The following STXBP5L variants were observed in gnomAD, a reference collection of about 807,000 sequenced individuals.
STXBP5L encodes syntaxin-binding protein 5-like.
In STXBP5L, 65 loss-of-function variants were observed where a neutral mutation model predicts 144.5. The observed-to-expected ratio is 0.45, with a 90% confidence interval of 0.37 to 0.55. The LOEUF (loss-of-function observed/expected upper bound fraction) is 0.55, where lower values mean the gene tolerates loss of function less well. STXBP5L is among the 20% of genes least tolerant of loss of function. The pLI, the probability that STXBP5L is intolerant of heterozygous loss-of-function variation, is 0.00. For missense variants in STXBP5L, 1,298 were observed against 1,405.5 expected (o/e 0.92, Z 1.22); for synonymous variants, 505 against 469.6 (o/e 1.08, Z -0.97).
chr3:121,059,907 T>C (rs1162939178), intron 5 of STXBP5L, among the ~76,000 whole-genome samples: 2 of 152,226 alleles, frequency 1.3e-5, no homozygotes, highest in East Asian at 3.8e-4. Flanking sequence ...TATAATCATG[T>C]CATCTGCAAA....
intron 9 of STXBP5L, among the ~76,000 whole-genome samples, chr3:121,186,949 C>G (rs2047407973): frequency 1.3e-5 from 2 of 152,172 alleles, no homozygotes; most frequent in African/African-American, 2.4e-5. Flanking sequence ...AATAGGAACA[C>G]TTTTACACTG....
chr3:120,979,501 G>A (rs1156288862), intron 3 of STXBP5L, among the ~76,000 whole-genome samples: 2 of 152,070 alleles, frequency 1.3e-5, no homozygotes, highest in South Asian at 2.1e-4. Flanking sequence ...TGTGCTTCCC[G>A]AGTGAAGCAA....
At chr3:121,258,922 C>A in intron 17 of STXBP5L, 121 bp from the exon 18 acceptor site, 1 of 925,610 alleles carries the variant, frequency 1.1e-6, no homozygotes, top group Non-Finnish European at 1.5e-6. Flanking sequence ...CATCCATCTG[C>A]ATGCTGCCTG....
At chr3:121,352,830 G>A (rs2045347661) in intron 20 of STXBP5L, among the ~76,000 whole-genome samples, 1 of 152,012 alleles carries the variant, frequency 6.6e-6, no homozygotes, top group Admixed American at 6.6e-5. Flanking sequence ...GTCATAAGTA[G>A]CTCTTATTAT....
intron 3 of STXBP5L, among the ~76,000 whole-genome samples, chr3:121,001,519 C>T (rs1384534942): frequency 6.6e-6 from 1 of 152,174 alleles, no homozygotes; most frequent in East Asian, 1.9e-4. Flanking sequence ...GCCATTCCCA[C>T]GTCAAACCCT....
chr3:121,317,384 T>C (rs1482478528), intron 19 of STXBP5L, among the ~76,000 whole-genome samples: 7 of 152,222 alleles, frequency 4.6e-5, no homozygotes, highest in African/African-American at 1.7e-4. Context: ...TTTGAAGTTA[T>C]AGTTTCTCAC....
intron 7 of STXBP5L, among the ~76,000 whole-genome samples, chr3:121,134,360 T>A (rs544593024): frequency 6.6e-6 from 1 of 152,284 alleles, no homozygotes; most frequent in South Asian, 2.1e-4. Context: ...TTGAGTTACC[T>A]CTTAAAGGCT....
intron 8 of STXBP5L, among the ~76,000 whole-genome samples, chr3:121,155,768 A>G (rs958749043): frequency 1.3e-5 from 2 of 151,898 alleles, no homozygotes; most frequent in Non-Finnish European, 2.9e-5. Flanking sequence ...TTGGTTTTAC[A>G]TGCTTGCTTT....
chr3:121,200,842 G>C (rs1019243030), intron 9 of STXBP5L, among the ~76,000 whole-genome samples: 1 of 152,202 alleles, frequency 6.6e-6, no homozygotes, highest in African/African-American at 2.4e-5. Context: ...ACTGTGGTCT[G>C]AGAGACTGTT....
At chr3:121,392,760 T>C (rs2046622276) in intron 22 of STXBP5L, among the ~76,000 whole-genome samples, 1 of 129,278 alleles carries the variant, frequency 7.7e-6, no homozygotes, top group Admixed American at 8.5e-5. Flanking sequence ...GACTGAGTAG[T>C]ATTTCATGGC....
chr3:121,407,250 C>A lies in STXBP5L; in HGVS notation c.2595C>A (p.Phe865Leu). Residue 865 changes from phenylalanine to leucine, a missense_variant, in exon 23 of 27, where the codon TTC (phenylalanine) becomes TTA (leucine). Physicochemically the swap from Phe to Leu is conservative, Grantham distance 22. Coordinates refer to ENST00000471454, the MANE Select transcript of STXBP5L (RefSeq NM_001308330.2). ...GTCCAATTGTTTTTATAGGTACATT[C>A]CTCTCATTGAAAGGAGCTGTGCTAA... ...EPVMVLPSGT[F>L]LSLKGAVLTF... is the part of the protein sequence containing the mutation. 1 of 1,558,372 alleles carries A rather than the reference C, an allele frequency of 6.4e-7. No individual in the cohort carries two copies. The highest frequency in any genetic ancestry group is 1.2e-5 in the South Asian group (1 of 80,476).
At chr3:121,352,797 A>T (rs2045346295) in intron 20 of STXBP5L, among the ~76,000 whole-genome samples, 1 of 152,066 alleles carries the variant, frequency 6.6e-6, no homozygotes. Context: ...TTGCTCATTG[A>T]GTATGATATT....
chr3:121,128,334 G>A (rs9289162), intron 7 of STXBP5L, among the ~76,000 whole-genome samples: 15,094 of 151,980 alleles, frequency 0.099, 1,180 homozygotes, highest in Admixed American at 0.2. Flanking sequence ...GAGTCTTTGG[G>A]TATGGTATTA....
chr3:121,030,117 T>C (rs972447445), intron 3 of STXBP5L, among the ~76,000 whole-genome samples: 1 of 152,172 alleles, frequency 6.6e-6, no homozygotes, highest in African/African-American at 2.4e-5. Context: ...GAAGACAGTG[T>C]GATGATTCCT....
At chr3:121,080,014 T>C (rs559269214) in intron 5 of STXBP5L, among the ~76,000 whole-genome samples, 4 of 152,362 alleles carry the variant, frequency 2.6e-5, no homozygotes, top group African/African-American at 9.6e-5. Flanking sequence ...CAGTGTTAGG[T>C]GGATATAAAT....
At position 121,361,387 on chromosome 3, in the gene STXBP5L, A is replaced by G. The variant is rs922295663; in HGVS notation, c.2177-17329A>G. Among the ~76,000 whole-genome samples, 3 of 151,718 alleles carry G rather than the reference A, an allele frequency of 2.0e-5. No individual in the cohort carries two copies. In the East Asian group the frequency reaches 5.8e-4, roughly 30 times the overall value. On this transcript the variant is annotated intron_variant, in intron 20 of 26. Coordinates refer to ENST00000471454, the MANE Select transcript of STXBP5L (RefSeq NM_001308330.2). ...TCCTTTGAATAAAACTTCTACTCCT[A>G]TCTCCTTCCCTACCCCCCCTTTAAG... is the stretch of plus-strand genomic sequence containing the variant.
intron 5 of STXBP5L, among the ~76,000 whole-genome samples, chr3:121,064,554 A>G (rs1451852621): frequency 1.3e-5 from 2 of 152,162 alleles, no homozygotes; most frequent in African/African-American, 4.8e-5. Flanking sequence ...ACTGTGGGAG[A>G]TGGCAATATT....
At chr3:121,220,681 A>T (rs978035206) in intron 10 of STXBP5L, among the ~76,000 whole-genome samples, 5 of 152,046 alleles carry the variant, frequency 3.3e-5, no homozygotes, top group African/African-American at 9.7e-5. Context: ...ATCAAAATTA[A>T]TTTTTTTCTG....
chr3:121,354,508 C>CTTTTTTTTTTTTTTTTTTTTTTTT (rs145703750), intron 20 of STXBP5L, among the ~76,000 whole-genome samples: 1 of 67,542 alleles, frequency 1.5e-5, no homozygotes, highest in Non-Finnish European at 2.7e-5. Flanking sequence ...TGCAACCCTG[C>CTTTTTTTTTTTTTTTTTTTTTTTT]TTTTTTTTTT....
Sources: gnomAD v4.1 joint callset for allele counts (sites outside exome capture counted in the v4.1 genomes callset) on GRCh38, gnomAD v4.1.1 for gene constraint, MANE v1.5 for transcripts, NCBI Gene and HGNC (gene_info 2026-07-23, HGNC 2026-07-21) for gene names.